Variants in SLC24A2 observed in about 807,000 individuals in gnomAD.
SLC24A2 encodes sodium/potassium/calcium exchanger 2.
In SLC24A2, 36 loss-of-function variants were observed where a neutral mutation model predicts 62.0. That is an observed-to-expected ratio of 0.58 (90% CI 0.44 to 0.77). The LOEUF (loss-of-function observed/expected upper bound fraction) is 0.77. Among genes scored for constraint, SLC24A2 ranks in the 30% least tolerant of loss-of-function variants. The pLI is 0.00. For synonymous variants in SLC24A2, 358 were observed against 294.0 expected (o/e 1.22, Z -2.23); for missense variants, 846 against 817.9 (o/e 1.03, Z -0.42).
At chr9:19,521,835 G>C (rs542734270) in intron 9 of SLC24A2, among the ~76,000 whole-genome samples, 5 of 151,344 alleles carry the variant, frequency 3.3e-5, no homozygotes, top group Non-Finnish European at 7.4e-5. Context: ...TTATTGAAAA[G>C]CAAGGGGAGG....
chr9:20,024,050 T>A, the SLC24A2 span, among the ~76,000 whole-genome samples: 10 of 152,220 alleles, frequency 6.6e-5, no homozygotes, highest in African/African-American at 2.4e-4. Context: ...TTCCCAGTTG[T>A]CTCTGTAAAT....
the SLC24A2 span, among the ~76,000 whole-genome samples, chr9:19,930,330 A>G: frequency 7.9e-5 from 12 of 152,230 alleles, no homozygotes; most frequent in Non-Finnish European, 1.6e-4. Context: ...ATACACAAAT[A>G]TTTATCATTG....
chr9:19,927,107 A>G, the SLC24A2 span: 1 of 152,254 alleles, frequency 6.6e-6, no homozygotes, highest in Non-Finnish European at 1.5e-5. Flanking sequence ...AAGAGGACAG[A>G]GTTCTGCTGC....
At chr9:19,720,797 C>G (rs1304446917) in intron 2 of SLC24A2, among the ~76,000 whole-genome samples, 1 of 136,268 alleles carries the variant, frequency 7.3e-6, no homozygotes, top group Non-Finnish European at 1.6e-5. Flanking sequence ...TCTTGATTTT[C>G]TTTTTGTAGT....
At chr9:20,105,143 G>C in the SLC24A2 span, among the ~76,000 whole-genome samples, 69 of 152,284 alleles carry the variant, frequency 4.5e-4, no homozygotes, top group African/African-American at 1.2e-3. Flanking sequence ...AACAAGAAGA[G>C]CTAACTATCT....
At chr9:19,963,082 A>G in the SLC24A2 span, among the ~76,000 whole-genome samples, 11 of 152,022 alleles carry the variant, frequency 7.2e-5, no homozygotes, top group Non-Finnish European at 8.8e-5. Context: ...CAACTATCTG[A>G]TCTTTGACAA....
At chr9:19,881,191 C>A in the SLC24A2 span, among the ~76,000 whole-genome samples, 1 of 152,042 alleles carries the variant, frequency 6.6e-6, no homozygotes, top group African/African-American at 2.4e-5. Context: ...TTGAGTCTAG[C>A]AGGAAACAGA....
At chr9:19,928,492 C>T in the SLC24A2 span, 1 of 152,200 alleles carries the variant, frequency 6.6e-6, no homozygotes, top group Non-Finnish European at 1.5e-5. Flanking sequence ...CACTCAATCC[C>T]TCTGAGGTTC....
At chr9:20,043,878 G>A in the SLC24A2 span, among the ~76,000 whole-genome samples, 3 of 152,152 alleles carry the variant, frequency 2.0e-5, no homozygotes, top group African/African-American at 7.2e-5. Flanking sequence ...GATTTTGAAA[G>A]AATTTCTACT....
chr9:20,263,922 C>G, the SLC24A2 span, among the ~76,000 whole-genome samples: 3 of 137,596 alleles, frequency 2.2e-5, no homozygotes, highest in Non-Finnish European at 4.6e-5. Context: ...TCATGTCTGG[C>G]TGGGCAGATG....
chr9:19,737,430 T>G (rs777431921), intron 2 of SLC24A2, among the ~76,000 whole-genome samples: 5 of 152,164 alleles, frequency 3.3e-5, no homozygotes, highest in Non-Finnish European at 5.9e-5. Context: ...GATGGTGTCA[T>G]AAAACAAAGG....
At chr9:19,860,413 T>C in the SLC24A2 span, among the ~76,000 whole-genome samples, 2 of 151,986 alleles carry the variant, frequency 1.3e-5, no homozygotes, top group East Asian at 3.9e-4. Flanking sequence ...ACTGAAGAGC[T>C]CTTGGCCTCT....
At chr9:20,030,797 T>C in the SLC24A2 span, among the ~76,000 whole-genome samples, 4 of 152,132 alleles carry the variant, frequency 2.6e-5, no homozygotes, top group African/African-American at 9.7e-5. Context: ...TTTAGTGAAA[T>C]GAGTCCTCTT....
chr9:20,043,410 G>A, the SLC24A2 span, among the ~76,000 whole-genome samples: 1 of 152,198 alleles, frequency 6.6e-6, no homozygotes, highest in African/African-American at 2.4e-5. Flanking sequence ...ATTTTGTAAG[G>A]TGATAGCTGC....
At chr9:19,788,674 C>A in intron 1 of SLC24A2, 7 of 985,250 alleles carry the variant, frequency 7.1e-6, no homozygotes, top group South Asian at 4.7e-5. Context: ...CCATCCCAAG[C>A]CAAAAGCAAG....
At chr9:20,284,363 G>C in the SLC24A2 span, among the ~76,000 whole-genome samples, 50 of 151,808 alleles carry the variant, frequency 3.3e-4, no homozygotes, top group African/African-American at 9.4e-4. Flanking sequence ...CAGCAGGCTC[G>C]AACTCCTAGG....
At chr9:20,280,396 A>G in the SLC24A2 span, among the ~76,000 whole-genome samples, 1 of 152,144 alleles carries the variant, frequency 6.6e-6, no homozygotes, top group Non-Finnish European at 1.5e-5. Flanking sequence ...ACTAGAGGCA[A>G]TTCTCTGCAG....
At chr9:19,590,955 C>T (rs1427651803) in intron 5 of SLC24A2, among the ~76,000 whole-genome samples, 1 of 152,066 alleles carries the variant, frequency 6.6e-6, no homozygotes, top group Non-Finnish European at 1.5e-5. Context: ...TTTTCACTGC[C>T]CTCCTTTAAC....
chr9:19,718,086 C>T (rs945361064), intron 2 of SLC24A2, among the ~76,000 whole-genome samples: 2 of 150,892 alleles, frequency 1.3e-5, no homozygotes, highest in Non-Finnish European at 2.9e-5. Flanking sequence ...AAGCGATTCT[C>T]CTGCCTCAGC....
Sources: allele counts gnomAD v4.1 joint callset (sites outside exome capture counted in the v4.1 genomes callset), GRCh38; gene constraint gnomAD v4.1.1; transcripts MANE v1.5; gene names NCBI Gene and HGNC (gene_info 2026-07-23, HGNC 2026-07-21).